Variants in VPS52 observed in about 807,000 individuals in gnomAD.
VPS52 encodes the protein VPS52 subunit of GARP complex.
A neutral mutation model predicts 98.7 loss-of-function variants in VPS52; 56 were observed. That is an observed-to-expected ratio of 0.57 (90% CI 0.46 to 0.71). The LOEUF (loss-of-function observed/expected upper bound fraction) is 0.71. VPS52 is among the 30% of genes least tolerant of loss of function. The pLI is 0.00. For missense variants in VPS52, 742 were observed against 925.9 expected (o/e 0.80, Z 2.58); for synonymous variants, 348 against 346.4 (o/e 1.00, Z -0.05).
At chr6:33,254,052 C>A (rs889414681) in intron 17 of VPS52, among the ~76,000 whole-genome samples, 1 of 151,888 alleles carries the variant, frequency 6.6e-6, no homozygotes, top group African/African-American at 2.4e-5. Context: ...AAGCAAACAA[C>A]CCAGACAGAA....
Position 33,266,707 on chromosome 6 carries a change from T to A in VPS52, c.1131A>T (p.Pro377=). The change falls in exon 12 of 20, where the codon CCA becomes CCT. Residue 377 remains proline (P), a synonymous_variant. Transcript: ENST00000445902. ...HTAQRGEQRY[P]FEALFRSQHY... is the part of the protein sequence containing the mutation. ...GCTGGCTGCGGAAGAGGGCCTCAAA[T>A]GGATACTGGGAGAGGAGGAGTAAAG... The A allele has an allele frequency of 6.2e-7, 1 of 1,608,630 alleles. No individual in the cohort carries two copies. The highest frequency in any genetic ancestry group is 8.5e-7 in the Non-Finnish European group (1 of 1,177,650).
chr6:33,253,575 T>G (rs1762575619), intron 17 of VPS52, among the ~76,000 whole-genome samples: 1 of 151,528 alleles, frequency 6.6e-6, no homozygotes, highest in Non-Finnish European at 1.5e-5. Context: ...TTTTTAAGTG[T>G]GATAATGTAT....
rs1764525532 is a variant in VPS52 at position 33,267,842 on chromosome 6, A to G, written c.933+23T>C. 6.2e-7 allele frequency: 1 copy of G among 1,613,002 alleles called. No homozygotes were observed. On this transcript the variant is annotated intron_variant, in intron 9 of 19. Transcript: ENST00000445902. The surrounding 1 kb of genome is among the most constrained non-coding windows in gnomAD (Gnocchi z 4.2). ...CTCCTCCCAGTCCATGTGCCCAGGA[A>G]TACCTCTCCCTCCTGACCTTACCTG...
rs1332050719 is a variant in VPS52, at chr6:33,253,089, C to T, written c.1795-1118G>A. Among the ~76,000 whole-genome samples the T allele has an allele frequency of 8.5e-5, 13 of 152,210 alleles. No individual in the cohort carries two copies. The East Asian group carries it at 2.5e-3, about 29-fold the overall frequency. On this transcript the variant is annotated intron_variant, in intron 17 of 19. Transcript: ENST00000445902. ...TTCTAGATGACAAATGACTCAATAA[C>T]TCAGTTTCTTCCAAAAATAAATTGC... is the stretch of plus-strand genomic sequence containing the variant.
chr6:33,254,676 TC>T (rs929802416), intron 17 of VPS52: 8 of 152,136 alleles, frequency 5.3e-5, no homozygotes, highest in African/African-American at 1.7e-4. Context: ...ATCTTTTTTT[TC>T]TTTTTTTTTT....
rs1764409842 is a variant in VPS52 at position 33,267,017 on chromosome 6, C to G, written c.1125+171G>C. ...TCTGCATGCCCTTAAGTCAATGGTT[C>G]CCAGCTCTTTTCACATCACAGCAGG... On this transcript the variant is annotated intron_variant, in intron 11 of 19. Transcript: ENST00000445902. The surrounding 1 kb of genome is among the most constrained non-coding windows in gnomAD (Gnocchi z 4.2). 6.6e-6 allele frequency among the ~76,000 whole-genome samples: 1 copy of G among 152,142 alleles called. No homozygotes were observed. Among genetic ancestry groups the G allele is most frequent in the Non-Finnish European group, 1.5e-5 (1 of 68,024 alleles).
intron 12 of VPS52, among the ~76,000 whole-genome samples, chr6:33,265,754 G>C (rs778362799): frequency 2.0e-5 from 3 of 152,116 alleles, no homozygotes; most frequent in Non-Finnish European, 4.4e-5. Context: ...CAAGATTTGG[G>C]GGACCCTCAG....
At chr6:33,263,682 C>A (rs1763937510) in intron 16 of VPS52, 90 bp downstream of exon 16, 1 of 1,580,866 alleles carries the variant, frequency 6.3e-7, no homozygotes, top group South Asian at 1.1e-5. Context: ...CTGAACAAGA[C>A]AGGCATCATC....
At chr6:33,251,253 A>G (rs1762197388) in intron 19 of VPS52, among the ~76,000 whole-genome samples, 1 of 151,990 alleles carries the variant, frequency 6.6e-6, no homozygotes, top group Non-Finnish European at 1.5e-5. Flanking sequence ...GAGGCAGGAA[A>G]ATCACTTGAA....
chr6:33,271,953 C>G (rs923749412), upstream of VPS52: 15 of 1,071,364 alleles, frequency 1.4e-5, no homozygotes, highest in Non-Finnish European at 1.9e-5. Flanking sequence ...AGTTGTGGTA[C>G]CCAAGCCATA....
intron 17 of VPS52, among the ~76,000 whole-genome samples, chr6:33,260,557 T>G (rs1409770708): frequency 6.6e-6 from 1 of 152,210 alleles, no homozygotes; most frequent in African/African-American, 2.4e-5. Flanking sequence ...ACCATCCCTG[T>G]GCTTCTCGTG....
intron 17 of VPS52, among the ~76,000 whole-genome samples, chr6:33,258,968 G>A (rs1407439407): frequency 6.6e-6 from 1 of 152,154 alleles, no homozygotes; most frequent in Non-Finnish European, 1.5e-5. Context: ...ACCAGCTTCA[G>A]GGAGTCTGTC....
chr6:33,271,147 G>A (rs1013487173), intron 1 of VPS52: 12 of 498,490 alleles, frequency 2.4e-5, no homozygotes, highest in Non-Finnish European at 4.3e-5. Flanking sequence ...CTGCATGCCA[G>A]GTGCAATCTT....
chr6:33,255,525 A>G (rs1198831725), intron 17 of VPS52, among the ~76,000 whole-genome samples: 1 of 140,520 alleles, frequency 7.1e-6, no homozygotes, highest in Non-Finnish European at 1.5e-5. Context: ...GGTGGCTAAC[A>G]CCTGTAATCC....
rs1253314212 is a variant in VPS52, at chr6:33,271,677, C to G, written c.-2G>C. The G allele has an allele frequency of 2.4e-5, 38 of 1,605,930 alleles. No homozygotes were observed. The highest frequency in any genetic ancestry group is 3.2e-5 in the Non-Finnish European group (38 of 1,175,678). On this transcript the variant is annotated 5_prime_UTR_variant, in exon 1 of 20. Coordinates refer to ENST00000445902, the MANE Select transcript of VPS52 (RefSeq NM_022553.6). ...CGCCATGGTCGCAGCGGCGGCCATT[C>G]CCCGCAGCCTCACTTCCGGCAACTG... is the stretch of plus-strand genomic sequence containing the variant.
At chr6:33,256,760 G>C (rs1763023378) in intron 17 of VPS52, among the ~76,000 whole-genome samples, 1 of 149,778 alleles carries the variant, frequency 6.7e-6, no homozygotes, top group East Asian at 2.0e-4. Flanking sequence ...AGAATCACTT[G>C]AACCCAGGAG....
rs752187602 is a variant in VPS52, at chr6:33,269,046, A to C, written c.516T>G (p.Val172=). Residue 172 remains valine (V), a synonymous_variant, in exon 6 of 20, where the codon GTT becomes GTG. Coordinates refer to ENST00000445902, the MANE Select transcript of VPS52 (RefSeq NM_022553.6). The stretch of plus-strand genomic sequence containing the variant: ...GAGCAGAAGGCACCACCAGACCATC[A>C]ACAAGCTCCCCAAGTTTCCCCCGAA... The part of the protein sequence containing the change: ...QAVRGKLGEL[V]DGLVVPSALV... The C allele has an allele frequency of 4.3e-6, 7 of 1,612,600 alleles. No homozygotes were observed. The highest frequency in any genetic ancestry group is 1.3e-5 in the African/African-American group (1 of 74,904).
At chr6:33,251,464 G>A (rs548551618) in intron 19 of VPS52, 54 bp downstream of exon 19, 2 of 1,247,914 alleles carry the variant, frequency 1.6e-6, no homozygotes, top group Admixed American at 3.7e-5. Flanking sequence ...CAAAAAGATG[G>A]GGAAAATAAT....
At chr6:33,269,679 TCTGTAC>T in intron 4 of VPS52, 59 bp downstream of exon 4, 2 of 1,581,306 alleles carry the variant, frequency 1.3e-6, no homozygotes, top group South Asian at 2.2e-5. Flanking sequence ...AGCTGGGACA[TCTGTAC>T]CACACGCCAC....
Sources: allele counts gnomAD v4.1 joint callset (sites outside exome capture counted in the v4.1 genomes callset), GRCh38; gene constraint gnomAD v4.1.1; non-coding constraint Gnocchi (gnomAD v3.1); transcripts MANE v1.5; gene names NCBI Gene and HGNC (gene_info 2026-07-23, HGNC 2026-07-21).